Variants in SGCD observed in about 807,000 individuals in gnomAD.
SGCD encodes the protein sarcoglycan delta.
In SGCD, 18 loss-of-function variants were observed where a neutral mutation model predicts 36.6. That is an observed-to-expected ratio of 0.49 (90% confidence interval 0.34 to 0.73). The LOEUF is 0.73. Among genes scored for constraint, SGCD ranks in the 30% least tolerant of loss-of-function variants. The pLI, the probability that SGCD is intolerant of heterozygous loss-of-function variation, is 0.01. For missense variants in SGCD, 387 were observed against 346.7 expected, an observed-to-expected ratio of 1.12 and a Z score of -0.92; for synonymous variants, 133 against 130.6, an observed-to-expected ratio of 1.02 and a Z score of -0.12.
At chr5:156,714,729 G>A (rs1258145458) in intron 7 of SGCD, among the ~76,000 whole-genome samples, 2 of 152,196 alleles carry the variant, frequency 1.3e-5, no homozygotes, top group Non-Finnish European at 2.9e-5. Context: ...GTGAAATTTA[G>A]TTCAAGGGAT....
At chr5:156,351,634 T>C (rs1042024141) in intron 3 of SGCD, among the ~76,000 whole-genome samples, 1 of 151,930 alleles carries the variant, frequency 6.6e-6, no homozygotes, top group African/African-American at 2.4e-5. Flanking sequence ...ATCATCATCA[T>C]CATCATCATC....
chr5:156,319,513 C>T (rs1274470771), intron 3 of SGCD, among the ~76,000 whole-genome samples: 1 of 152,204 alleles, frequency 6.6e-6, no homozygotes, highest in Non-Finnish European at 1.5e-5. Flanking sequence ...AGGACTTCCT[C>T]ATTGCTTAAG....
intron 3 of SGCD, among the ~76,000 whole-genome samples, chr5:156,345,563 A>C (rs1768899407): frequency 6.6e-6 from 1 of 152,126 alleles, no homozygotes; most frequent in African/African-American, 2.4e-5. Context: ...ACATTGGCTC[A>C]TGCTTAAATT....
chr5:156,377,545 A>G, intron 3 of SGCD, among the ~76,000 whole-genome samples: 1 of 152,154 alleles, frequency 6.6e-6, no homozygotes, highest in East Asian at 1.9e-4. Flanking sequence ...TGTCTTGGTC[A>G]CTGCTGAATT....
At chr5:156,288,523 A>C (rs1766674914) in intron 3 of SGCD, among the ~76,000 whole-genome samples, 1 of 152,150 alleles carries the variant, frequency 6.6e-6, no homozygotes, top group African/African-American at 2.4e-5. Flanking sequence ...TGTTTGTCCA[A>C]AAGAGAACCA....
chr5:156,693,089 G>A (rs1173042941), intron 7 of SGCD, among the ~76,000 whole-genome samples: 3 of 152,120 alleles, frequency 2.0e-5, no homozygotes, highest in African/African-American at 7.2e-5. Flanking sequence ...ACAGAATAAT[G>A]TACTGTTTTA....
At chr5:156,518,308 C>A (rs957895460) in intron 4 of SGCD, among the ~76,000 whole-genome samples, 5 of 152,108 alleles carry the variant, frequency 3.3e-5, no homozygotes, top group Admixed American at 2.0e-4. Context: ...TATATATGCA[C>A]CCAAATACAG....
chr5:156,451,402 A>G (rs1164825379), intron 3 of SGCD, among the ~76,000 whole-genome samples: 3 of 152,184 alleles, frequency 2.0e-5, no homozygotes, highest in Non-Finnish European at 4.4e-5. Flanking sequence ...TATTATGTTC[A>G]GACAGTCCCC....
intron 3 of SGCD, among the ~76,000 whole-genome samples, chr5:156,156,003 A>G (rs1762953202): frequency 6.6e-6 from 1 of 151,700 alleles, no homozygotes; most frequent in African/African-American, 2.4e-5. Context: ...TGACCTGCCA[A>G]AATTCCACCT....
At chr5:155,893,077 A>C (rs1161374969) in intron 1 of SGCD, among the ~76,000 whole-genome samples, 3 of 152,174 alleles carry the variant, frequency 2.0e-5, no homozygotes, top group Non-Finnish European at 4.4e-5. Flanking sequence ...TATAATTAAT[A>C]ACAATGTTTT....
At chr5:155,861,387 T>G in the SGCD span, among the ~76,000 whole-genome samples, 1 of 152,218 alleles carries the variant, frequency 6.6e-6, no homozygotes, top group South Asian at 2.1e-4. Flanking sequence ...AGGGTGCTGT[T>G]TTTTGTTCTT....
At chr5:156,105,875 G>A (rs935420378) in intron 1 of SGCD, among the ~76,000 whole-genome samples, 1 of 151,850 alleles carries the variant, frequency 6.6e-6, no homozygotes, top group African/African-American at 2.4e-5. Flanking sequence ...CACTTTGGGA[G>A]GCCAAGGCGG....
chr5:155,806,756 G>A, the SGCD span, among the ~76,000 whole-genome samples: 10 of 152,206 alleles, frequency 6.6e-5, no homozygotes, highest in East Asian at 1.5e-3. Flanking sequence ...AGAAAAGACA[G>A]CAATGAAATA....
At chr5:156,444,544 C>A (rs906211139) in intron 3 of SGCD, among the ~76,000 whole-genome samples, 1 of 151,968 alleles carries the variant, frequency 6.6e-6, no homozygotes, top group Non-Finnish European at 1.5e-5. Context: ...AGATGATTTA[C>A]CTGAAAAGGT....
intron 3 of SGCD, among the ~76,000 whole-genome samples, chr5:156,229,579 T>C (rs897629306): frequency 1.3e-5 from 2 of 151,924 alleles, no homozygotes; most frequent in Non-Finnish European, 2.9e-5. Context: ...CTGGTGCTTT[T>C]GTCTCACAGC....
chr5:155,850,804 C>T, the SGCD span, among the ~76,000 whole-genome samples: 1 of 152,110 alleles, frequency 6.6e-6, no homozygotes, highest in Non-Finnish European at 1.5e-5. Flanking sequence ...CAGGGACATT[C>T]TGGGAGATAC....
At chr5:156,626,261 C>G (rs1385552831) in intron 6 of SGCD, among the ~76,000 whole-genome samples, 2 of 152,174 alleles carry the variant, frequency 1.3e-5, no homozygotes, top group African/African-American at 4.8e-5. Flanking sequence ...CCCTGCATCC[C>G]CTTGGAAATT....
chr5:156,365,857 T>A (rs1770071008), intron 3 of SGCD, among the ~76,000 whole-genome samples: 1 of 151,688 alleles, frequency 6.6e-6, no homozygotes, highest in Non-Finnish European at 1.5e-5. Flanking sequence ...TATATACACG[T>A]GGGTATGTGT....
intron 4 of SGCD, among the ~76,000 whole-genome samples, chr5:156,583,740 T>G (rs1760377888): frequency 6.6e-6 from 1 of 152,156 alleles, no homozygotes; most frequent in Non-Finnish European, 1.5e-5. Flanking sequence ...AATATGACAT[T>G]GGTACAAGAA....
Sources: gnomAD v4.1 joint callset for allele counts (sites outside exome capture counted in the v4.1 genomes callset) on GRCh38, gnomAD v4.1.1 for gene constraint, MANE v1.5 for transcripts, NCBI Gene and HGNC (gene_info 2026-07-23, HGNC 2026-07-21) for gene names.